The following STK38L variants were observed in gnomAD, a reference collection of about 807,000 sequenced individuals.
STK38L encodes serine/threonine-protein kinase 38-like.
STK38L carries 28 observed loss-of-function variants against 59.7 expected under a neutral mutation model. That is an observed-to-expected ratio of 0.47 (90% CI 0.35 to 0.64). The LOEUF is 0.64. Among genes scored for constraint, STK38L ranks in the 30% least tolerant of loss-of-function variants. STK38L has a pLI of 0.01. For missense variants in STK38L, 314 were observed against 555.8 expected (o/e 0.56, Z 4.37); for synonymous variants, 162 against 176.8 (o/e 0.92, Z 0.66).
intron 2 of STK38L, among the ~76,000 whole-genome samples, chr12:27,298,819 G>T (rs778053980): frequency 6.6e-6 from 1 of 152,214 alleles, no homozygotes; most frequent in East Asian, 1.9e-4. Flanking sequence ...TCAAGCACAG[G>T]ATGTGCTAGA....
At chr12:27,250,859 C>T (rs2136600807) in intron 1 of STK38L, among the ~76,000 whole-genome samples, 1 of 151,904 alleles carries the variant, frequency 6.6e-6, no homozygotes, top group East Asian at 1.9e-4. Context: ...AATAGCCGGG[C>T]GTGGTGGCGG....
At chr12:27,252,700 A>G (rs1259636674) in intron 1 of STK38L, among the ~76,000 whole-genome samples, 2 of 152,204 alleles carry the variant, frequency 1.3e-5, no homozygotes, top group Non-Finnish European at 2.9e-5. Context: ...GACAAACAGA[A>G]TAGACTTTTT....
At chr12:27,291,225 A>C (rs1434229125) in intron 1 of STK38L, among the ~76,000 whole-genome samples, 2 of 152,224 alleles carry the variant, frequency 1.3e-5, no homozygotes, top group African/African-American at 2.4e-5. Context: ...TTAACATGAC[A>C]AAAAAGTTCC....
At chr12:27,248,969 C>T (rs1190439421) in intron 1 of STK38L, among the ~76,000 whole-genome samples, 1 of 152,120 alleles carries the variant, frequency 6.6e-6, no homozygotes, top group Non-Finnish European at 1.5e-5. Flanking sequence ...TAGATGTGGA[C>T]TTCGCTTTGT....
At chr12:27,312,424 G>T (rs1944477804) in intron 5 of STK38L, 125 bp from the exon 6 acceptor site, 1 of 980,810 alleles carries the variant, frequency 1.0e-6, no homozygotes, top group Admixed American at 2.6e-5. Context: ...ATTCATACAT[G>T]TATCAAATCT....
Position 27,318,006 on chromosome 12 carries a change from G to A in STK38L, c.1066G>A (p.Asp356Asn), listed in dbSNP as rs747683104. The A allele has an allele frequency of 3.1e-6, 5 of 1,613,762 alleles. No homozygotes were observed. The Admixed American group carries it at 5.0e-5, about 16-fold the overall frequency. Reference protein sequence around the residue: ...PEVPISEKAKDLILRFCIDSE... With the variant: ...PEVPISEKAKNLILRFCIDSE... ...GGTACCTATATCTGAGAAAGCCAAG[G>A]ACTTAATTCTCAGGTTAGTGGTTAA... Residue 356 changes from aspartate to asparagine, a missense_variant, in exon 11 of 14, where the codon GAC (aspartate) becomes AAC (asparagine). Coordinates refer to ENST00000389032, the MANE Select transcript of STK38L (RefSeq NM_015000.4).
At chr12:27,247,776 C>G (rs983310709) in intron 1 of STK38L, among the ~76,000 whole-genome samples, 1 of 147,910 alleles carries the variant, frequency 6.8e-6, no homozygotes, top group African/African-American at 2.5e-5. Context: ...GTTGCAGGAA[C>G]TATAGGCCTG....
At position 27,266,926 on chromosome 12, in the gene STK38L, C is replaced by G. The variant is rs533015012; in HGVS notation, c.-12+22594C>G. Among the ~76,000 whole-genome samples the G allele has an allele frequency of 9.2e-4, 140 of 152,276 alleles. 1 individual carries two copies. Among genetic ancestry groups the G allele is most frequent in the Non-Finnish European group, 1.5e-3 (102 of 68,024 alleles). ...AGCATTTTTCAAACGTATTTGACTC[C>G]TAGAACCTGTTTTCCCTCAGACATA... On this transcript the variant is annotated intron_variant, in intron 1 of 13. Transcript: ENST00000389032.
chr12:27,250,996 CAA>C (rs34643896), intron 1 of STK38L, among the ~76,000 whole-genome samples: 48,288 of 104,454 alleles, frequency 0.46, 9,203 homozygotes, highest in East Asian at 0.82. Flanking sequence ...GACTCTGTCT[CAA>C]AAAAAAAAAA....
intron 1 of STK38L, among the ~76,000 whole-genome samples, chr12:27,260,099 A>C (rs200993623): frequency 1.1e-4 from 16 of 151,682 alleles, no homozygotes; most frequent in Non-Finnish European, 1.9e-4. Flanking sequence ...CAAGTCCCCC[A>C]CCACCACCAC....
intron 1 of STK38L, among the ~76,000 whole-genome samples, chr12:27,262,794 C>CT (rs1324519665): frequency 7.8e-6 from 1 of 127,818 alleles, no homozygotes; most frequent in Non-Finnish European, 1.6e-5. Flanking sequence ...TATGTAGACT[C>CT]TGAGAATTTT....
chr12:27,275,197 C>T (rs1943507192), intron 1 of STK38L, among the ~76,000 whole-genome samples: 1 of 152,080 alleles, frequency 6.6e-6, no homozygotes, highest in Non-Finnish European at 1.5e-5. Flanking sequence ...TTCTCTCGCC[C>T]CTTCATACAA....
chr12:27,278,186 T>C (rs1194419478), intron 1 of STK38L, among the ~76,000 whole-genome samples: 1 of 152,258 alleles, frequency 6.6e-6, no homozygotes, highest in Non-Finnish European at 1.5e-5. Context: ...AGGCTGTAAG[T>C]GTAGCCCAGC....
At chr12:27,267,050 G>A (rs549814688) in intron 1 of STK38L, among the ~76,000 whole-genome samples, 128 of 152,120 alleles carry the variant, frequency 8.4e-4, no homozygotes, top group Middle Eastern at 3.4e-3. Flanking sequence ...TTACAGTTTC[G>A]GGTTTTTGTT....
chr12:27,254,186 G>A (rs544701463), intron 1 of STK38L, among the ~76,000 whole-genome samples: 1 of 152,338 alleles, frequency 6.6e-6, no homozygotes, highest in East Asian at 1.9e-4. Flanking sequence ...GGAGGGGATT[G>A]TGGTAGGAAC....
At chr12:27,291,657 G>C (rs1366550062) in intron 1 of STK38L, among the ~76,000 whole-genome samples, 3 of 152,206 alleles carry the variant, frequency 2.0e-5, no homozygotes, top group Non-Finnish European at 4.4e-5. Context: ...GCCTCAGAGA[G>C]GAAAGAAGCT....
At chr12:27,312,064 A>AC in intron 5 of STK38L, among the ~76,000 whole-genome samples, 1 of 152,134 alleles carries the variant, frequency 6.6e-6, no homozygotes, top group South Asian at 2.1e-4. Flanking sequence ...TATGTTTAGT[A>AC]GAGACGGGGT....
At chr12:27,267,150 A>G (rs1360832190) in intron 1 of STK38L, among the ~76,000 whole-genome samples, 1 of 152,190 alleles carries the variant, frequency 6.6e-6, no homozygotes, top group African/African-American at 2.4e-5. Flanking sequence ...TTCATTATGT[A>G]AATTTGCCCA....
chr12:27,321,730 A>G (rs1944733231), intron 12 of STK38L, among the ~76,000 whole-genome samples: 1 of 152,168 alleles, frequency 6.6e-6, no homozygotes, highest in Non-Finnish European at 1.5e-5. Flanking sequence ...TGATAGCACA[A>G]GAGGGTGACT....
Sources: allele counts gnomAD v4.1 joint callset (sites outside exome capture counted in the v4.1 genomes callset), GRCh38; gene constraint gnomAD v4.1.1; transcripts MANE v1.5; gene names NCBI Gene and HGNC (gene_info 2026-07-23, HGNC 2026-07-21).